The following RPS12 variants were observed in gnomAD, a reference collection of about 807,000 sequenced individuals.
RPS12 encodes ribosomal protein S12.
RPS12 carries 1 observed loss-of-function variant against 17.2 expected under a neutral mutation model. That is an observed-to-expected ratio of 0.06 (90% CI 0.02 to 0.28). The LOEUF is 0.28. Among genes scored for constraint, RPS12 ranks in the 10% least tolerant of loss-of-function variants. The probability of loss-of-function intolerance (pLI) is 1.00; values close to 1 mark genes in which losing one functional copy is unlikely to be tolerated. For synonymous variants in RPS12, 67 were observed against 54.0 expected (o/e 1.24, Z -1.06); for missense variants, 146 against 162.1 (o/e 0.90, Z 0.54).
chr6:132,814,582 G>C lies in RPS12; in HGVS notation c.-69G>C. The C allele has an allele frequency of 1.3e-6, 1 of 765,784 alleles. No homozygotes were observed. The highest frequency in any genetic ancestry group is 1.5e-5 in the South Asian group (1 of 68,184). The allele number at this position is 765,784 out of a possible 1,614,324, so 47.4% of individuals were successfully genotyped here. The stretch of plus-strand genomic sequence containing the variant: ...TGCGGATGAGGCCTCTTTCCCTGCC[G>C]CCGCCGAGTCGCGCGGAGGCGGAGG... On this transcript the variant is annotated 5_prime_UTR_variant, in exon 1 of 6. Coordinates refer to ENST00000230050, the MANE Select transcript of RPS12 (RefSeq NM_001016.4).
intron 3 of RPS12, 51 bp from the exon 4 acceptor site, chr6:132,816,410 T>A (rs953083397): frequency 2.2e-6 from 3 of 1,377,476 alleles, no homozygotes; most frequent in Admixed American, 1.7e-5. Flanking sequence ...GCAAGAATGA[T>A]GGATTTGGAT....
chr6:132,816,705 A>G (rs1163831002), intron 4 of RPS12, 142 bp downstream of exon 4: 2 of 780,236 alleles, frequency 2.6e-6, no homozygotes, highest in African/African-American at 1.7e-5. Context: ...TTTAAAGATG[A>G]TTGTAGGTAG....
intron 4 of RPS12, 38 bp from the exon 5 acceptor site, chr6:132,816,922 A>T (rs1370225255): frequency 1.6e-6 from 2 of 1,267,638 alleles, no homozygotes; most frequent in Non-Finnish European, 2.2e-6. Flanking sequence ...AATGTCTATT[A>T]ATGTGATTTT....
rs1340424983 is a variant in RPS12, at chr6:132,817,534, A to G, written c.391A>G (p.Lys131Glu). 6.2e-7 allele frequency: 1 copy of G among 1,610,460 alleles called. No homozygotes were observed. Among genetic ancestry groups the G allele is most frequent in the Non-Finnish European group, 8.5e-7 (1 of 1,178,422 alleles). The change falls in exon 6 of 6, where the codon AAG becomes GAG. Residue 131 changes from lysine (K) to glutamate (E), a missense_variant. Lys to Glu is a moderately conservative substitution (Grantham distance 56). Coordinates refer to ENST00000230050, the MANE Select transcript of RPS12 (RefSeq NM_001016.4). ...TGTCATTGAAGAGTATTTCAAATGCAAGAAATGAAGAAATAAATCTTTGGC... is the reference window on the plus strand; with the variant it reads ...TGTCATTGAAGAGTATTTCAAATGCGAGAAATGAAGAAATAAATCTTTGGC... ...KDVIEEYFKCKK is the reference protein window; with the variant it reads ...KDVIEEYFKCEK
In RPS12 at chr6:132,815,106, A is replaced by T; in HGVS notation, c.131+18A>T. ...TTAGACAAGTACGTGTATCAGTCTC[A>T]ATACTGTGGGTTCTTGCAACCGGAA... On this transcript the variant is annotated intron_variant, in intron 3 of 5. Transcript: ENST00000230050. 4 of 1,491,834 alleles carry T rather than the reference A, an allele frequency of 2.7e-6. No individual in the cohort carries two copies. The South Asian group carries it at 4.5e-5, about 17-fold the overall frequency. The allele number at this position is 1,491,834 out of a possible 1,614,324, so 92.4% of individuals were successfully genotyped here.
intron 3 of RPS12, chr6:132,815,818 A>G (rs939388406): frequency 2.5e-5 from 11 of 441,570 alleles, no homozygotes; most frequent in African/African-American, 2.1e-4. Context: ...TGTTCCATTA[A>G]TGCCACAGTC....
chr6:132,815,207 C>T, intron 3 of RPS12, 119 bp downstream of exon 3: 1 of 760,270 alleles, frequency 1.3e-6, no homozygotes, highest in Admixed American at 1.8e-5. Context: ...ATCCGTCCTA[C>T]CGGAAACCTA....
chr6:132,816,966 GACA>G lies in RPS12; in HGVS notation c.246_248del (p.Asn82del), dbSNP rs1782077560. 2 of 1,593,890 alleles carry G rather than the reference GACA, an allele frequency of 1.3e-6. No individual in the cohort carries two copies. The highest frequency in any genetic ancestry group is 1.1e-5 in the South Asian group (1 of 90,710). ...TTAACCTTTCTCCCAATAGGTTGAT[GACA>G]ACAAGAAACTAGGAGAATGGGTAGG... is the stretch of plus-strand genomic sequence containing the variant. On this transcript the variant is annotated inframe_deletion, in exon 5 of 6. Transcript: ENST00000230050.
At chr6:132,814,949 G>T in intron 2 of RPS12, 23 bp from the exon 3 acceptor site, 1 of 1,517,934 alleles carries the variant, frequency 6.6e-7, no homozygotes, top group South Asian at 1.1e-5. Context: ...TTTAACTGAT[G>T]GTTCTGATGT....
intron 2 of RPS12, 37 bp downstream of exon 2, chr6:132,814,819 G>A: frequency 6.3e-7 from 1 of 1,583,862 alleles, no homozygotes; most frequent in African/African-American, 1.3e-5. Context: ...TGGGGTCGGG[G>A]TGCGGCTGAG....
At chr6:132,817,121 A>G (rs377085765) in intron 5 of RPS12, 60 bp downstream of exon 5, 2 of 1,052,100 alleles carry the variant, frequency 1.9e-6, no homozygotes, top group Non-Finnish European at 1.5e-6. Context: ...AAAACCTTGT[A>G]TTGAAATAAG....
intron 2 of RPS12, 44 bp downstream of exon 2, chr6:132,814,826 T>C: frequency 1.3e-6 from 2 of 1,567,242 alleles, no homozygotes; most frequent in South Asian, 1.1e-5. Context: ...GGGGTGCGGC[T>C]GAGGCGTGGG....
intron 3 of RPS12, chr6:132,815,713 C>T (rs1782035396): frequency 4.4e-6 from 2 of 456,462 alleles, no homozygotes; most frequent in African/African-American, 4.0e-5. Flanking sequence ...CAGTTCAATC[C>T]GATGGAAACG....
rs896000403 is a variant in RPS12, at chr6:132,817,464, T to C, written c.337-16T>C. 1.3e-6 allele frequency: 2 copies of C among 1,554,934 alleles called. No individual in the cohort carries two copies. Among genetic ancestry groups the C allele is most frequent in the African/African-American group, 1.4e-5 (1 of 73,886 alleles). On this transcript the variant is annotated splice_polypyrimidine_tract_variant and intron_variant, in intron 5 of 5. Transcript: ENST00000230050. ...ATATTAACAAGAAATTGCATGCGTGTTTTGTTTTTTTTAAGGACTATGGCA... is the reference window on the plus strand; with the variant it reads ...ATATTAACAAGAAATTGCATGCGTGCTTTGTTTTTTTTAAGGACTATGGCA...
At chr6:132,815,174 T>G in intron 3 of RPS12, 86 bp downstream of exon 3, 1 of 895,708 alleles carries the variant, frequency 1.1e-6, no homozygotes, top group Non-Finnish European at 1.9e-6. Context: ...GTTCATGGTG[T>G]TAGCGCAAAA....
Position 132,815,427 on chromosome 6 carries a change from T to C in RPS12, c.131+339T>C, listed in dbSNP as rs551859585. ...GTCTTATACTTATCTGGCAGATAGATGAGATGGAGAGCCACATTACATCTG... is the reference window on the plus strand; with the variant it reads ...GTCTTATACTTATCTGGCAGATAGACGAGATGGAGAGCCACATTACATCTG... On this transcript the variant is annotated intron_variant, in intron 3 of 5. Transcript: ENST00000230050. 5 of 520,284 alleles carry C rather than the reference T, an allele frequency of 9.6e-6. No homozygotes were observed. In the East Asian group the frequency reaches 2.5e-4, roughly 26 times the overall value. The allele number at this position is 520,284 out of a possible 1,614,324, so 32.2% of individuals were successfully genotyped here. A position where few individuals can be genotyped will look rare whatever the true frequency, so the allele number is the denominator to read the frequency against.
rs373794232 is a variant in RPS12 at position 132,815,099 on chromosome 6, C to T, written c.131+11C>T. 6.5e-7 allele frequency: 1 copy of T among 1,533,560 alleles called. No homozygotes were observed. The highest frequency in any genetic ancestry group is 1.4e-5 in the African/African-American group (1 of 73,352). The allele number at this position is 1,533,560 out of a possible 1,614,324, so 95.0% of individuals were successfully genotyped here. ...CAAAGCCTTAGACAAGTACGTGTAT[C>T]AGTCTCAATACTGTGGGTTCTTGCA... On this transcript the variant is annotated intron_variant, in intron 3 of 5. Coordinates refer to ENST00000230050, the MANE Select transcript of RPS12 (RefSeq NM_001016.4).
rs1473402479 is a variant in RPS12, at chr6:132,814,605, A to G, written c.-46A>G. 4 of 859,554 alleles carry G rather than the reference A, an allele frequency of 4.7e-6. No individual in the cohort carries two copies. Among genetic ancestry groups the G allele is most frequent in the South Asian group, 2.7e-5 (2 of 72,756 alleles). The allele number at this position is 859,554 out of a possible 1,614,324, so 53.2% of individuals were successfully genotyped here. A position where few individuals can be genotyped will look rare whatever the true frequency, so the allele number is the denominator to read the frequency against. On this transcript the variant is annotated 5_prime_UTR_variant, in exon 1 of 6. Coordinates refer to ENST00000230050, the MANE Select transcript of RPS12 (RefSeq NM_001016.4). ...CCGCCGCCGAGTCGCGCGGAGGCGG[A>G]GGCTTGGGGTAAGTTGAGCGAGGCG...
Position 132,817,468 on chromosome 6 carries a change from GT to G in RPS12, c.337-4del, listed in dbSNP as rs753180338. ...TAACAAGAAATTGCATGCGTGTTTT[GT>G]TTTTTTTAAGGACTATGGCAAGGAG... On this transcript the variant is annotated splice_polypyrimidine_tract_variant and intron_variant, in intron 5 of 5. Coordinates refer to ENST00000230050, the MANE Select transcript of RPS12 (RefSeq NM_001016.4). The G allele has an allele frequency of 1.6e-5, 25 of 1,552,442 alleles. No homozygotes were observed. The highest frequency in any genetic ancestry group is 5.4e-5 in the African/African-American group (4 of 73,610).
Sources: allele counts gnomAD v4.1 joint callset, GRCh38; gene constraint gnomAD v4.1.1; transcripts MANE v1.5; gene names NCBI Gene and HGNC (gene_info 2026-07-23, HGNC 2026-07-21).